Variants in P3H2 observed in about 807,000 individuals in gnomAD.
The protein encoded by P3H2 is prolyl 3-hydroxylase 2.
P3H2 carries 80 observed loss-of-function variants against 87.0 expected under a neutral mutation model. That is an observed-to-expected ratio of 0.92 (90% CI 0.77 to 1.11). P3H2 has a LOEUF of 1.11. P3H2 is among the 50% of genes least tolerant of loss of function. The pLI, the probability that P3H2 is intolerant of heterozygous loss-of-function variation, is 0.00. For missense variants in P3H2, 1,001 were observed against 923.9 expected (o/e 1.08, Z -1.08); for synonymous variants, 367 against 359.3 (o/e 1.02, Z -0.24).
Position 189,972,942 on chromosome 3 carries a change from G to T in P3H2, c.1631C>A (p.Ser544Tyr), listed in dbSNP as rs745992530. Residue 544 changes from serine (S) to tyrosine (Y), a missense_variant, in exon 11 of 15, where the codon TCT (serine) becomes TAT (tyrosine). Coordinates refer to ENST00000319332, the MANE Select transcript of P3H2 (RefSeq NM_018192.4). Reference protein sequence around the residue: ...ISEKARRIVESYFMLNSTLYF... With the variant: ...ISEKARRIVEYYFMLNSTLYF... ...CAGAGTTGAGTTCAGCATAAAATAA[G>T]ATTCTACAATCCTTCGAGCCTTTTC... The T allele has an allele frequency of 3.7e-5, 59 of 1,613,626 alleles. 1 individual carries two copies. In the South Asian group the frequency reaches 6.4e-4, roughly 17 times the overall value.
chr3:190,110,824 C>G (rs1309664797), intron 1 of P3H2, among the ~76,000 whole-genome samples: 3 of 152,162 alleles, frequency 2.0e-5, no homozygotes, highest in Non-Finnish European at 2.9e-5. Flanking sequence ...CCTGTGCTTC[C>G]AGATTTGTTA....
chr3:190,033,405 G>GTC (rs1725319645), intron 1 of P3H2, among the ~76,000 whole-genome samples: 1 of 152,186 alleles, frequency 6.6e-6, no homozygotes, highest in Non-Finnish European at 1.5e-5. Context: ...AATATAGAGA[G>GTC]AAATCTGTGA....
intron 1 of P3H2, among the ~76,000 whole-genome samples, chr3:190,089,973 C>T (rs1360115041): frequency 6.6e-6 from 1 of 152,116 alleles, no homozygotes; most frequent in African/African-American, 2.4e-5. Context: ...CTGGCAGAGT[C>T]TCAGTGGTCA....
chr3:189,991,958 G>C (rs558730831), intron 3 of P3H2, among the ~76,000 whole-genome samples: 2 of 152,162 alleles, frequency 1.3e-5, no homozygotes. Context: ...GAGGGAGTTA[G>C]GAAGTGTTCA....
intron 8 of P3H2, among the ~76,000 whole-genome samples, chr3:189,977,105 G>A (rs758676731): frequency 1.3e-5 from 2 of 152,132 alleles, no homozygotes; most frequent in African/African-American, 4.8e-5. Context: ...CTGCAGCAGA[G>A]ACTTTACGAT....
At chr3:190,058,440 G>C (rs553259869) in intron 1 of P3H2, among the ~76,000 whole-genome samples, 1 of 152,246 alleles carries the variant, frequency 6.6e-6, no homozygotes, top group East Asian at 1.9e-4. Context: ...GAACTACAAT[G>C]GGTTAAACTT....
intron 8 of P3H2, among the ~76,000 whole-genome samples, chr3:189,979,779 T>C (rs1407395977): frequency 6.6e-6 from 1 of 151,226 alleles, no homozygotes; most frequent in South Asian, 2.1e-4. Context: ...CTGACCGAGA[T>C]GGTGAAACCC....
intron 1 of P3H2, among the ~76,000 whole-genome samples, chr3:190,039,195 A>AT (rs1725521619): frequency 6.6e-6 from 1 of 151,006 alleles, no homozygotes; most frequent in African/African-American, 2.5e-5. Context: ...ATCTCAAAAA[A>AT]AAAAATAAAA....
At chr3:190,058,596 TA>T (rs768292005) in intron 1 of P3H2, among the ~76,000 whole-genome samples, 58 of 152,096 alleles carry the variant, frequency 3.8e-4, no homozygotes, top group Admixed American at 8.5e-4. Flanking sequence ...CTTAAAAGGG[TA>T]AAAAGACTTA....
At chr3:189,967,306 T>C (rs1320345085) in intron 13 of P3H2, among the ~76,000 whole-genome samples, 2 of 151,604 alleles carry the variant, frequency 1.3e-5, no homozygotes, top group African/African-American at 4.9e-5. Context: ...AAAATAGTTA[T>C]AGATTTTAAT....
At chr3:190,040,066 C>T (rs113314422) in intron 1 of P3H2, among the ~76,000 whole-genome samples, 223 of 152,242 alleles carry the variant, frequency 1.5e-3, no homozygotes, top group African/African-American at 5.3e-3. Context: ...GATATTTAGC[C>T]TTTTAATCTT....
rs777215243 is a variant in P3H2, at chr3:189,995,417, T to A, written c.506A>T (p.Glu169Val). The change falls in exon 2 of 15, where the codon GAA (glutamate) becomes GTA (valine). Residue 169 changes from glutamate to valine, a missense_variant. Transcript: ENST00000319332. ...IKLNQLEKAV[E>V]AAHTFFVANP... ...AGCCACGAAAAATGTGTGAGCTGCT[T>A]CCACTGCTTTTTCGAGCTGGTTAAG... 3 of 1,613,872 alleles carry A rather than the reference T, an allele frequency of 1.9e-6. No individual in the cohort carries two copies. Among genetic ancestry groups the A allele is most frequent in the Non-Finnish European group, 2.5e-6 (3 of 1,179,982 alleles).
intron 1 of P3H2, among the ~76,000 whole-genome samples, chr3:190,066,138 G>GGTGT (rs144807223): frequency 3.5e-4 from 46 of 130,076 alleles, no homozygotes; most frequent in African/African-American, 9.2e-4. Flanking sequence ...AAGAAACTGT[G>GGTGT]GTGTGTATAT....
chr3:190,094,650 G>T (rs1225520673), intron 1 of P3H2, among the ~76,000 whole-genome samples: 1 of 152,202 alleles, frequency 6.6e-6, no homozygotes, highest in Admixed American at 6.5e-5. Context: ...GGGGTACTGG[G>T]TCTCTCTGAC....
intron 1 of P3H2, among the ~76,000 whole-genome samples, chr3:190,076,387 T>C (rs1726878336): frequency 6.6e-6 from 1 of 152,172 alleles, no homozygotes; most frequent in Admixed American, 6.5e-5. Flanking sequence ...TTGCTGGCTC[T>C]AGGAAATGGA....
At chr3:189,997,218 C>G (rs1724079435) in intron 1 of P3H2, among the ~76,000 whole-genome samples, 1 of 152,176 alleles carries the variant, frequency 6.6e-6, no homozygotes. Context: ...GATGGGGTTT[C>G]ACCATGTTGG....
At position 189,989,031 on chromosome 3, in the gene P3H2, G is replaced by A; in HGVS notation, c.831C>T (p.Tyr277=). 6.2e-7 allele frequency: 1 copy of A among 1,614,134 alleles called. No individual in the cohort carries two copies. Among genetic ancestry groups the A allele is most frequent in the Non-Finnish European group, 8.5e-7 (1 of 1,180,020 alleles). ...CATGCTGACAAACAAGCACCTGCAT[G>A]TAGTGATCTGGAAGACAAGAGCCAA... ...AGLYEAIADH[Y]MQVLVCQHEC... is the part of the protein sequence containing the mutation. Residue 277 remains tyrosine (Y), a synonymous_variant, in exon 4 of 15, where the codon TAC becomes TAT. Coordinates refer to ENST00000319332, the MANE Select transcript of P3H2 (RefSeq NM_018192.4).
In P3H2 at chr3:189,983,046, C is replaced by G. The variant is rs1221418135; in HGVS notation, c.1324G>C (p.Gly442Arg). 1 of 1,611,196 alleles carries G rather than the reference C, an allele frequency of 6.2e-7. No homozygotes were observed. Among genetic ancestry groups the G allele is most frequent in the African/African-American group, 1.3e-5 (1 of 74,846 alleles). ...SPKIDRDLREGGPLLYENITF... is the reference protein window; with the variant it reads ...SPKIDRDLRERGPLLYENITF... ...AGGGTAAAAGTGCACAGCTACTTACCTTCTCTTAGGTCTCGATCTATCTTG... is the reference window on the plus strand; with the variant it reads ...AGGGTAAAAGTGCACAGCTACTTACGTTCTCTTAGGTCTCGATCTATCTTG... Residue 442 changes from glycine (G) to arginine (R), a missense_variant and splice_region_variant, in exon 8 of 15, where the codon GGT (glycine) becomes CGT (arginine). Gly to Arg is a moderately radical substitution (Grantham distance 125). Transcript: ENST00000319332.
chr3:190,096,453 T>C (rs1199526905), intron 1 of P3H2, among the ~76,000 whole-genome samples: 2 of 138,962 alleles, frequency 1.4e-5, no homozygotes, highest in Non-Finnish European at 3.0e-5. Context: ...CCTTTCACTA[T>C]GACTGTAAGC....
Sources: gnomAD v4.1 joint callset for allele counts (sites outside exome capture counted in the v4.1 genomes callset) on GRCh38, gnomAD v4.1.1 for gene constraint, MANE v1.5 for transcripts, NCBI Gene and HGNC (gene_info 2026-07-23, HGNC 2026-07-21) for gene names.